Variants in CIMIP7 observed in about 807,000 individuals in gnomAD.
The protein encoded by CIMIP7 is uncharacterized protein C3orf84.
chr3:49,190,200 C>T, the CIMIP7 span: 12 of 1,236,286 alleles, frequency 9.7e-6, no homozygotes, highest in Admixed American at 2.4e-4. Context: ...TCCTAGACCT[C>T]AGGGCCCCAA....
chr3:49,183,702 G>A, the CIMIP7 span, among the ~76,000 whole-genome samples: 6 of 152,146 alleles, frequency 3.9e-5, no homozygotes, highest in African/African-American at 1.4e-4. Flanking sequence ...ACTACCACAT[G>A]ACCCAGCAAT....
At chr3:49,189,689 A>C in the CIMIP7 span, among the ~76,000 whole-genome samples, 1 of 152,318 alleles carries the variant, frequency 6.6e-6, no homozygotes, top group East Asian at 1.9e-4. Context: ...GGGCTTTCTT[A>C]GCATTAAGGA....
chr3:49,189,762 T>A, the CIMIP7 span: 1 of 589,406 alleles, frequency 1.7e-6, no homozygotes. Context: ...CTAGAGGCTC[T>A]TTGCCTGTAG....
At chr3:49,178,383 C>T in the CIMIP7 span, 1 of 1,111,640 alleles carries the variant, frequency 9.0e-7, no homozygotes. Context: ...ATAAGGAGCC[C>T]TCCCTCAGTG....
At chr3:49,189,502 T>C in the CIMIP7 span, among the ~76,000 whole-genome samples, 4 of 152,180 alleles carry the variant, frequency 2.6e-5, no homozygotes, top group Non-Finnish European at 5.9e-5. Flanking sequence ...TTTCCCATTC[T>C]CCAGAAGCCT....
the CIMIP7 span, among the ~76,000 whole-genome samples, chr3:49,188,189 C>T: frequency 1.1e-3 from 166 of 152,330 alleles, 1 homozygote; most frequent in Middle Eastern, 0.01. Flanking sequence ...GCAGGCAGCC[C>T]TTGCAAGTGT....
the CIMIP7 span, chr3:49,189,996 C>A: frequency 3.2e-6 from 5 of 1,553,110 alleles, no homozygotes; most frequent in African/African-American, 2.7e-5. Context: ...GGTCTAGTCA[C>A]CCCCGCTGCC....
chr3:49,182,692 G>C, the CIMIP7 span, among the ~76,000 whole-genome samples: 5 of 152,202 alleles, frequency 3.3e-5, no homozygotes, highest in African/African-American at 1.2e-4. Context: ...GTGGTCAATG[G>C]GACTGGATGC....
At chr3:49,189,369 C>A in the CIMIP7 span, among the ~76,000 whole-genome samples, 1 of 152,092 alleles carries the variant, frequency 6.6e-6, no homozygotes, top group Non-Finnish European at 1.5e-5. Context: ...CCCTGGCCTC[C>A]CAAAGTGCTA....
the CIMIP7 span, among the ~76,000 whole-genome samples, chr3:49,180,929 CAAA>C: frequency 4.9e-3 from 323 of 65,880 alleles, 1 homozygote; most frequent in African/African-American, 0.013. Context: ...GACTCCGTCT[CAAA>C]AAAAAAAAAA....
the CIMIP7 span, among the ~76,000 whole-genome samples, chr3:49,188,429 C>T: frequency 6.6e-6 from 1 of 152,190 alleles, no homozygotes; most frequent in Admixed American, 6.5e-5. Flanking sequence ...CTGCACCCCA[C>T]ACTAGGCTCC....
At chr3:49,184,597 G>A in the CIMIP7 span, among the ~76,000 whole-genome samples, 1 of 151,836 alleles carries the variant, frequency 6.6e-6, no homozygotes, top group Non-Finnish European at 1.5e-5. Flanking sequence ...TGGGATTACA[G>A]GCATGACCCA....
the CIMIP7 span, among the ~76,000 whole-genome samples, chr3:49,187,138 G>A: frequency 6.6e-6 from 1 of 152,138 alleles, no homozygotes; most frequent in Non-Finnish European, 1.5e-5. Flanking sequence ...AATGAGTTTT[G>A]TTCTCTCAAA....
the CIMIP7 span, among the ~76,000 whole-genome samples, chr3:49,183,720 C>T: frequency 6.6e-6 from 1 of 152,322 alleles, no homozygotes; most frequent in Non-Finnish European, 1.5e-5. Flanking sequence ...AATTGTATTC[C>T]TGGGCATTTA....
At chr3:49,190,599 C>G in the CIMIP7 span, among the ~76,000 whole-genome samples, 1 of 149,496 alleles carries the variant, frequency 6.7e-6, no homozygotes, top group African/African-American at 2.5e-5. Context: ...GGGTTCAAGT[C>G]ATTCTCCTGC....
At chr3:49,182,956 G>A in the CIMIP7 span, among the ~76,000 whole-genome samples, 2 of 152,166 alleles carry the variant, frequency 1.3e-5, no homozygotes, top group African/African-American at 4.8e-5. Flanking sequence ...CACGCTGGCC[G>A]GCAAGTACAG....
chr3:49,184,987 G>A, the CIMIP7 span, among the ~76,000 whole-genome samples: 1 of 151,764 alleles, frequency 6.6e-6, no homozygotes, highest in African/African-American at 2.4e-5. Context: ...TTAGAAATGG[G>A]GGCCAGGCGC....
chr3:49,190,471 A>G, the CIMIP7 span, among the ~76,000 whole-genome samples: 1 of 151,442 alleles, frequency 6.6e-6, no homozygotes, highest in Non-Finnish European at 1.5e-5. Flanking sequence ...GCCTGAGAAG[A>G]AATCCCCTTT....
At chr3:49,182,678 TTGGG>T in the CIMIP7 span, among the ~76,000 whole-genome samples, 1 of 152,304 alleles carries the variant, frequency 6.6e-6, no homozygotes, top group African/African-American at 2.4e-5. Flanking sequence ...TTCTCAGCCC[TTGGG>T]TGGTCAATGG....
Sources: allele counts gnomAD v4.1 joint callset (sites outside exome capture counted in the v4.1 genomes callset), GRCh38; gene constraint gnomAD v4.1.1; transcripts MANE v1.5; gene names NCBI Gene and HGNC (gene_info 2026-07-23, HGNC 2026-07-21).